Variants in CPE observed in about 807,000 individuals in gnomAD.
CPE encodes the protein carboxypeptidase E.
CPE carries 17 observed loss-of-function variants against 53.5 expected under a neutral mutation model. The ratio of observed to expected loss-of-function variants is 0.32; its 90% CI spans 0.22 to 0.48. The LOEUF (loss-of-function observed/expected upper bound fraction) is 0.48. Ranked by LOEUF, CPE falls within the 20% of genes least tolerant of loss-of-function variation. The pLI, the probability that CPE is intolerant of heterozygous loss-of-function variation, is 0.99. For missense variants in CPE, 524 were observed against 614.7 expected (o/e 0.85, Z 1.56); for synonymous variants, 226 against 228.8 (o/e 0.99, Z 0.11).
At chr4:165,462,256 A>G (rs1193708475) in intron 1 of CPE, among the ~76,000 whole-genome samples, 1 of 152,204 alleles carries the variant, frequency 6.6e-6, no homozygotes, top group East Asian at 1.9e-4. Context: ...CGAACACAAA[A>G]TATACTGTGC....
At chr4:165,421,124 T>A (rs767062302) in intron 1 of CPE, among the ~76,000 whole-genome samples, 1 of 152,216 alleles carries the variant, frequency 6.6e-6, no homozygotes, top group African/African-American at 2.4e-5. Flanking sequence ...TTCTTAAAGC[T>A]CTGCCTGATT....
intron 1 of CPE, chr4:165,403,952 G>A (rs1215083625): frequency 1.4e-5 from 8 of 564,866 alleles, no homozygotes; most frequent in Non-Finnish European, 2.0e-5. Flanking sequence ...ACCCAATGCC[G>A]GAGTTTGTCT....
At chr4:165,389,508 C>T (rs1399919278) in intron 1 of CPE, among the ~76,000 whole-genome samples, 1 of 152,028 alleles carries the variant, frequency 6.6e-6, no homozygotes, top group African/African-American at 2.4e-5. Context: ...CTAACTTTGC[C>T]TTTGCTTTCA....
rs527719814 is a variant in CPE at position 165,413,808 on chromosome 4, C to G, written c.307+34280C>G. On this transcript the variant is annotated intron_variant, in intron 1 of 8. Transcript: ENST00000402744. ...TTTTTCTCAGAGCCTCTGGCATTGA[C>G]GTGCTTGGAGATACCTGAAAATTGG... Among the ~76,000 whole-genome samples, 3 of 152,260 alleles carry G rather than the reference C, an allele frequency of 2.0e-5. No individual in the cohort carries two copies. In the South Asian group the frequency reaches 6.2e-4, roughly 32 times the overall value.
intron 1 of CPE, chr4:165,405,449 AT>A (rs1730938054): frequency 1.2e-6 from 1 of 858,328 alleles, no homozygotes. Context: ...TACCACATCA[AT>A]TATTTTCAGA....
chr4:165,413,287 G>T (rs1041039890), intron 1 of CPE, among the ~76,000 whole-genome samples: 1 of 152,148 alleles, frequency 6.6e-6, no homozygotes, highest in Non-Finnish European at 1.5e-5. Flanking sequence ...GAGTCCACGG[G>T]CCTGGAAACC....
At chr4:165,415,603 A>G (rs1436463251) in intron 1 of CPE, among the ~76,000 whole-genome samples, 1 of 152,134 alleles carries the variant, frequency 6.6e-6, no homozygotes, top group African/African-American at 2.4e-5. Context: ...TCACCTAATT[A>G]TTTTGTAGCT....
chr4:165,404,535 CA>C, intron 1 of CPE: 1 of 877,798 alleles, frequency 1.1e-6, no homozygotes, highest in Non-Finnish European at 2.0e-6. Flanking sequence ...AACTGCTCCC[CA>C]AAGGCTTTGC....
At chr4:165,476,499 T>G (rs1198821344) in intron 3 of CPE, among the ~76,000 whole-genome samples, 2 of 152,062 alleles carry the variant, frequency 1.3e-5, no homozygotes, top group Admixed American at 1.3e-4. Flanking sequence ...ATTTTGCCTC[T>G]CGGTGCGCAT....
At chr4:165,461,687 T>A (rs1193264564) in intron 1 of CPE, among the ~76,000 whole-genome samples, 1 of 152,216 alleles carries the variant, frequency 6.6e-6, no homozygotes, top group African/African-American at 2.4e-5. Context: ...TTCCAGACTC[T>A]ACATTCCTTC....
At chr4:165,471,696 T>A (rs1732209432) in intron 3 of CPE, among the ~76,000 whole-genome samples, 1 of 152,166 alleles carries the variant, frequency 6.6e-6, no homozygotes, top group Admixed American at 6.5e-5. Flanking sequence ...CCTCTTGAGG[T>A]CCTAAATAAC....
intron 5 of CPE, 55 bp downstream of exon 5, chr4:165,484,659 AT>A: frequency 6.7e-7 from 1 of 1,497,668 alleles, no homozygotes; most frequent in Non-Finnish European, 9.2e-7. Flanking sequence ...TACAATGACC[AT>A]TTAGGTTTAG....
At chr4:165,386,504 A>G (rs1202310871) in intron 1 of CPE, among the ~76,000 whole-genome samples, 3 of 152,230 alleles carry the variant, frequency 2.0e-5, no homozygotes, top group African/African-American at 7.2e-5. Flanking sequence ...TAGTGTGATA[A>G]CAAGAAAGGA....
intron 1 of CPE, among the ~76,000 whole-genome samples, chr4:165,391,261 G>A (rs1369471198): frequency 6.6e-6 from 1 of 152,124 alleles, no homozygotes; most frequent in African/African-American, 2.4e-5. Flanking sequence ...TTAAATGAAT[G>A]TACAGAAGAG....
chr4:165,416,212 G>A (rs1330106099), intron 1 of CPE, among the ~76,000 whole-genome samples: 2 of 151,894 alleles, frequency 1.3e-5, no homozygotes, highest in African/African-American at 4.8e-5. Flanking sequence ...AGTTACACAC[G>A]ATCTTCTAAG....
chr4:165,409,933 A>G (rs1731010002), intron 1 of CPE, among the ~76,000 whole-genome samples: 1 of 152,110 alleles, frequency 6.6e-6, no homozygotes, highest in African/African-American at 2.4e-5. Context: ...TCAAAAACAC[A>G]AAAAACACAG....
intron 1 of CPE, among the ~76,000 whole-genome samples, chr4:165,462,765 G>T (rs1732032160): frequency 6.6e-6 from 1 of 151,938 alleles, no homozygotes. Context: ...AAAAACTGAG[G>T]GGGGTATAAA....
intron 1 of CPE, among the ~76,000 whole-genome samples, chr4:165,382,058 G>A (rs1275875199): frequency 6.6e-6 from 1 of 152,246 alleles, no homozygotes; most frequent in African/African-American, 2.4e-5. Flanking sequence ...ATAAAGGGAT[G>A]TGAGGCTGCA....
intron 4 of CPE, among the ~76,000 whole-genome samples, chr4:165,483,080 G>A (rs1046503081): frequency 1.3e-5 from 2 of 151,430 alleles, no homozygotes; most frequent in East Asian, 3.9e-4. Flanking sequence ...GTGAGGTTTG[G>A]GTTTCTAGGG....
Sources: gnomAD v4.1 joint callset for allele counts (sites outside exome capture counted in the v4.1 genomes callset) on GRCh38, gnomAD v4.1.1 for gene constraint, MANE v1.5 for transcripts, NCBI Gene and HGNC (gene_info 2026-07-23, HGNC 2026-07-21) for gene names.